The following ZKSCAN7 variants were observed in gnomAD, a reference collection of about 807,000 sequenced individuals.
The protein encoded by ZKSCAN7 is zinc finger with KRAB and SCAN domains 7.
Under a neutral mutation model 65.3 loss-of-function variants are expected in ZKSCAN7, and 38 were observed. That is an observed-to-expected ratio of 0.58 (90% CI 0.45 to 0.76). The LOEUF is 0.76. Among genes scored for constraint, ZKSCAN7 ranks in the 30% least tolerant of loss-of-function variants. The pLI, the probability that ZKSCAN7 is intolerant of heterozygous loss-of-function variation, is 0.00. For missense variants in ZKSCAN7, 815 were observed against 913.3 expected, an observed-to-expected ratio of 0.89 and a Z score of 1.39; for synonymous variants, 321 against 321.0, an observed-to-expected ratio of 1.00 and a Z score of 0.00.
rs757381841 is a variant in ZKSCAN7, at chr3:44,570,486, G to A, written c.1376G>A (p.Arg459Lys). The A allele has an allele frequency of 1.9e-6, 3 of 1,614,056 alleles. No individual in the cohort carries two copies. The East Asian group carries it at 6.7e-5, about 36-fold the overall frequency. Reference protein sequence around the residue: ...RHSSHLIQHQRLHNGEKPYKC... With the variant: ...RHSSHLIQHQKLHNGEKPYKC... ...AGCTCCCATCTCATTCAACACCAGAGACTCCATAATGGGGAGAAACCCTAT... is the reference window on the plus strand; with the variant it reads ...AGCTCCCATCTCATTCAACACCAGAAACTCCATAATGGGGAGAAACCCTAT... Residue 459 changes from arginine (R) to lysine (K), a missense_variant, in exon 6 of 6, where the codon AGA becomes AAA. Around this residue, in one of 3 missense-constraint regions of ZKSCAN7, gnomAD observed 578 missense variants for 629.5 expected, o/e 0.92. Coordinates refer to ENST00000426540, the MANE Select transcript of ZKSCAN7 (RefSeq NM_001288590.2).
chr3:44,580,864 C>A, intron 5 of ZKSCAN7: 1 of 1,613,710 alleles, frequency 6.2e-7, no homozygotes, highest in Non-Finnish European at 8.5e-7. Context: ...TCGGTCCCAT[C>A]TGGAGCCAGG....
At position 44,570,700 on chromosome 3, in the gene ZKSCAN7, A is replaced by G; in HGVS notation, c.1590A>G (p.Arg530=). 6.2e-7 allele frequency: 1 copy of G among 1,614,110 alleles called. No homozygotes were observed. The highest frequency in any genetic ancestry group is 8.5e-7 in the Non-Finnish European group (1 of 1,180,016). The change falls in exon 6 of 6, where the codon AGA becomes AGG. Residue 530 remains arginine, a synonymous_variant. Transcript: ENST00000426540. The part of the protein sequence containing the change: ...KKPYKCNECG[R]AFCSNRNLID... ...CTTACAAATGCAATGAGTGTGGGAG[A>G]GCATTCTGTTCCAATAGAAATCTCA...
In ZKSCAN7 at chr3:44,570,430, A is replaced by G. The variant is rs368573762; in HGVS notation, c.1320A>G (p.Glu440=). 6 of 1,613,964 alleles carry G rather than the reference A, an allele frequency of 3.7e-6. No individual in the cohort carries two copies. Among genetic ancestry groups the G allele is most frequent in the Non-Finnish European group, 5.1e-6 (6 of 1,179,974 alleles). ...LRTHTGEKPY[E]CSECGKAYRH... Reference sequence around the variant, plus strand: ...CCCACACAGGGGAAAAACCCTATGAATGCAGTGAGTGTGGAAAGGCCTATA... The same window carrying G: ...CCCACACAGGGGAAAAACCCTATGAGTGCAGTGAGTGTGGAAAGGCCTATA... Residue 440 remains glutamate, a synonymous_variant, in exon 6 of 6, where the codon GAA becomes GAG. Coordinates refer to ENST00000426540, the MANE Select transcript of ZKSCAN7 (RefSeq NM_001288590.2).
At position 44,570,569 on chromosome 3, in the gene ZKSCAN7, A is replaced by G; in HGVS notation, c.1459A>G (p.Arg487Gly). Residue 487 changes from arginine (R) to glycine (G), a missense_variant, in exon 6 of 6, where the codon AGA (arginine) becomes GGA (glycine). Transcript: ENST00000426540. ...GAGTTCCCGACTCACTGACCACCAG[A>G]GAACCCATACTGGGGAGAAACCTTA... ...TQSSRLTDHQ[R>G]THTGEKPYEC... 1 of 1,612,624 alleles carries G rather than the reference A, an allele frequency of 6.2e-7. No individual in the cohort carries two copies. The highest frequency in any genetic ancestry group is 2.2e-5 in the East Asian group (1 of 44,860).
chr3:44,582,872 T>C, intron 5 of ZKSCAN7: 2 of 383,832 alleles, frequency 5.2e-6, no homozygotes, highest in South Asian at 1.9e-5. Context: ...CTAAGTAAGT[T>C]AAAGATCACA....
chr3:44,558,963 A>G (rs1038864867), intron 2 of ZKSCAN7, among the ~76,000 whole-genome samples: 2 of 151,454 alleles, frequency 1.3e-5, no homozygotes, highest in Non-Finnish European at 2.9e-5. Flanking sequence ...TATTGTAGAC[A>G]TGTGGTCTTG....
Position 44,570,963 on chromosome 3 carries a change from T to C in ZKSCAN7, c.1853T>C (p.Leu618Pro). 6.2e-7 allele frequency: 1 copy of C among 1,614,122 alleles called. No individual in the cohort carries two copies. Among genetic ancestry groups the C allele is most frequent in the South Asian group, 1.1e-5 (1 of 91,076 alleles). The change falls in exon 6 of 6, where the codon CTG becomes CCG. Residue 618 changes from leucine (L) to proline (P), a missense_variant. Leu to Pro is a moderately conservative substitution (Grantham distance 98, BLOSUM62 -3). Around this residue, in one of 3 missense-constraint regions of ZKSCAN7, gnomAD observed 578 missense variants for 629.5 expected, o/e 0.92. Transcript: ENST00000426540. ...AGCGAGTGTGGTAAGGCATTTGGTC[T>C]GAGTAAATGTCTTATTCGGCACCAG... ...ECSECGKAFG[L>P]SKCLIRHQRL...
At chr3:44,577,792 C>T (rs1351358787) in intron 5 of ZKSCAN7, among the ~76,000 whole-genome samples, 4 of 152,188 alleles carry the variant, frequency 2.6e-5, no homozygotes, top group Non-Finnish European at 4.4e-5. Context: ...GCCAGCCTCA[C>T]GCATTCCATG....
intron 5 of ZKSCAN7, among the ~76,000 whole-genome samples, chr3:44,568,919 C>T (rs1420298142): frequency 1.3e-5 from 2 of 152,154 alleles, no homozygotes; most frequent in African/African-American, 4.8e-5. Flanking sequence ...CACTGTGAAT[C>T]TTTTGTCCTT....
In ZKSCAN7 at chr3:44,560,263, C is replaced by T. The variant is rs951465587; in HGVS notation, c.423+2793C>T. Among the ~76,000 whole-genome samples the T allele has an allele frequency of 2.4e-4, 36 of 152,072 alleles. 1 individual carries two copies. The highest frequency in any genetic ancestry group is 1.3e-4 in the Admixed American group (2 of 15,262). ...GGCAGGACTATCTTTCATCAGCAGG[C>T]GTTCAGAAAATGTTTACAGAATGGC... is the stretch of plus-strand genomic sequence containing the variant. On this transcript the variant is annotated intron_variant, in intron 2 of 5. Coordinates refer to ENST00000426540, the MANE Select transcript of ZKSCAN7 (RefSeq NM_001288590.2).
downstream of ZKSCAN7, among the ~76,000 whole-genome samples, chr3:44,573,427 T>C (rs1298756493): frequency 1.3e-5 from 2 of 152,108 alleles, no homozygotes; most frequent in Non-Finnish European, 2.9e-5. Context: ...AGTTGAGGCA[T>C]AGGAAAATAA....
At chr3:44,563,939 A>T (rs1559425005) in intron 2 of ZKSCAN7, among the ~76,000 whole-genome samples, 2 of 152,192 alleles carry the variant, frequency 1.3e-5, no homozygotes, top group Non-Finnish European at 2.9e-5. Context: ...GAACTACAGA[A>T]TCCAGGGAGC....
rs946287057 is a variant in ZKSCAN7 at position 44,564,757 on chromosome 3, C to CT, written c.424-723dup. On this transcript the variant is annotated intron_variant, in intron 2 of 5. Transcript: ENST00000426540. The stretch of plus-strand genomic sequence containing the variant: ...AAATCTTATCTTTTTTTACACTTAT[C>CT]TTTTTTTACCTCCTTTGTACTTCTT... Among the ~76,000 whole-genome samples the CT allele has an allele frequency of 3.4e-4, 52 of 152,218 alleles. 1 individual carries two copies. The highest frequency in any genetic ancestry group is 4.6e-4 in the African/African-American group (19 of 41,546).
chr3:44,557,513 T>C (rs1309648839), intron 2 of ZKSCAN7, 43 bp downstream of exon 2: 1 of 1,611,434 alleles, frequency 6.2e-7, no homozygotes, highest in East Asian at 2.2e-5. Flanking sequence ...GCTTCTCTAA[T>C]GCTTGGGTTA....
downstream of ZKSCAN7, among the ~76,000 whole-genome samples, chr3:44,575,816 G>A (rs1020123168): frequency 2.0e-5 from 3 of 152,136 alleles, no homozygotes; most frequent in African/African-American, 7.2e-5. Flanking sequence ...GACCTCAGGT[G>A]ATCCGCCCGC....
intron 2 of ZKSCAN7, 66 bp from the exon 3 acceptor site, chr3:44,565,421 A>C (rs1699601178): frequency 1.4e-6 from 2 of 1,458,014 alleles, no homozygotes; most frequent in Admixed American, 2.4e-5. Flanking sequence ...GGAGCTGCTT[A>C]GAGGTTTTGG....
chr3:44,567,560 A>G (rs1317593522), intron 3 of ZKSCAN7, among the ~76,000 whole-genome samples: 2 of 152,208 alleles, frequency 1.3e-5, no homozygotes, highest in Admixed American at 6.5e-5. Flanking sequence ...AGGAGTGTCC[A>G]TAATGAGAGG....
Position 44,571,900 on chromosome 3 carries a change from A to C in ZKSCAN7, c.*525A>C. 1 of 986,836 alleles carries C rather than the reference A, an allele frequency of 1.0e-6. No individual in the cohort carries two copies. Among genetic ancestry groups the C allele is most frequent in the East Asian group, 1.1e-4 (1 of 8,826 alleles). 61.1% of individuals were successfully genotyped at this position (986,836 alleles called of 1,614,324 possible). ...AATCTTTGTCCCTCACAATTTTTGA[A>C]ATCCATCTCATCACTGAAATACTTT... On this transcript the variant is annotated 3_prime_UTR_variant, in exon 6 of 6. Transcript: ENST00000426540.
At position 44,565,622 on chromosome 3, in the gene ZKSCAN7, C is replaced by G. The variant is rs1699609827; in HGVS notation, c.559C>G (p.Pro187Ala). Reference sequence around the variant, plus strand: ...AGCCCACCTGGAGCCTCCTTATGACCCAGGGACACACCACCTCCCCAGTGG... The same window carrying G: ...AGCCCACCTGGAGCCTCCTTATGACGCAGGGACACACCACCTCCCCAGTGG... ...PGAHLEPPYD[P>A]GTHHLPSGDF... Residue 187 changes from proline to alanine, a missense_variant, in exon 3 of 6, where the codon CCA becomes GCA. Pro to Ala is a conservative substitution (Grantham distance 27, BLOSUM62 -1). Coordinates refer to ENST00000426540, the MANE Select transcript of ZKSCAN7 (RefSeq NM_001288590.2). 6.2e-7 allele frequency: 1 copy of G among 1,608,844 alleles called. No individual in the cohort carries two copies. The highest frequency in any genetic ancestry group is 1.3e-5 in the African/African-American group (1 of 74,750).
Sources: gnomAD v4.1 joint callset for allele counts (sites outside exome capture counted in the v4.1 genomes callset) on GRCh38, gnomAD v4.1.1 for gene constraint, gnomAD v4.1.1 regional missense constraint, MANE v1.5 for transcripts, NCBI Gene and HGNC (gene_info 2026-07-23, HGNC 2026-07-21) for gene names.